CNTNAP2: variants seen among roughly 807,000 people sequenced by gnomAD.
CNTNAP2 encodes contactin associated protein 2, also known as contactin-associated protein-like 2.
Under a neutral mutation model 155.2 loss-of-function variants are expected in CNTNAP2, and 98 were observed. The ratio of observed to expected loss-of-function variants is 0.63; its 90% confidence interval spans 0.54 to 0.75. The LOEUF (loss-of-function observed/expected upper bound fraction) is 0.75. Among genes scored for constraint, CNTNAP2 ranks in the 30% least tolerant of loss-of-function variants. The pLI, the probability that CNTNAP2 is intolerant of heterozygous loss-of-function variation, is 0.00. For synonymous variants in CNTNAP2, 651 were observed against 631.2 expected (o/e 1.03, Z -0.47); for missense variants, 1,727 against 1,688.1 (o/e 1.02, Z -0.40).
At chr7:146,494,992 A>G (rs1483862087) in intron 1 of CNTNAP2, among the ~76,000 whole-genome samples, 1 of 152,214 alleles carries the variant, frequency 6.6e-6, no homozygotes, top group Non-Finnish European at 1.5e-5. Flanking sequence ...CAACTACCAG[A>G]GGATAAAATC....
At chr7:147,817,072 C>T (rs1034901738) in intron 13 of CNTNAP2, among the ~76,000 whole-genome samples, 3 of 152,038 alleles carry the variant, frequency 2.0e-5, no homozygotes, top group Non-Finnish European at 4.4e-5. Context: ...TTAAATGACA[C>T]CACAATGAAA....
intron 4 of CNTNAP2, among the ~76,000 whole-genome samples, chr7:147,106,506 GTTGA>G (rs1314792501): frequency 2.6e-5 from 4 of 151,990 alleles, no homozygotes; most frequent in East Asian, 3.9e-4. Context: ...ACAGAATTCT[GTTGA>G]TTAAGAAAGT....
chr7:147,974,093 T>A (rs996414578), intron 14 of CNTNAP2, among the ~76,000 whole-genome samples: 20 of 152,318 alleles, frequency 1.3e-4, no homozygotes, highest in African/African-American at 4.6e-4. Context: ...GTTCAAAACC[T>A]ACTAAAAGTC....
At chr7:147,436,237 C>A (rs1390842685) in intron 10 of CNTNAP2, among the ~76,000 whole-genome samples, 3 of 152,104 alleles carry the variant, frequency 2.0e-5, no homozygotes, top group African/African-American at 7.2e-5. Flanking sequence ...AGGTTAGATA[C>A]CCTTATTAAC....
chr7:147,874,785 T>C (rs555778913), intron 13 of CNTNAP2, among the ~76,000 whole-genome samples: 7 of 152,348 alleles, frequency 4.6e-5, no homozygotes, highest in Admixed American at 3.9e-4. Flanking sequence ...CAAACTTCTA[T>C]GCTCTGCTTC....
chr7:147,724,860 GA>G (rs980627343), intron 13 of CNTNAP2, among the ~76,000 whole-genome samples: 2 of 151,884 alleles, frequency 1.3e-5, no homozygotes, highest in African/African-American at 2.4e-5. Flanking sequence ...GTGAGTTGTT[GA>G]AAAGGTTAAA....
chr7:147,738,950 C>T (rs993370245), intron 13 of CNTNAP2, among the ~76,000 whole-genome samples: 10 of 152,074 alleles, frequency 6.6e-5, no homozygotes, highest in African/African-American at 2.2e-4. Flanking sequence ...CCACTGCGCC[C>T]GGGCAAAACA....
chr7:146,633,948 C>T (rs1436091279), intron 1 of CNTNAP2, among the ~76,000 whole-genome samples: 3 of 151,540 alleles, frequency 2.0e-5, no homozygotes, highest in Admixed American at 1.3e-4. Context: ...TCTCCCTTTG[C>T]TGCCATCTGG....
At chr7:147,653,519 C>G (rs1034528724) in intron 13 of CNTNAP2, among the ~76,000 whole-genome samples, 5 of 152,268 alleles carry the variant, frequency 3.3e-5, no homozygotes, top group African/African-American at 1.2e-4. Context: ...GACTTGCTTC[C>G]TGTCAAAAAC....
At chr7:146,598,277 A>G (rs533908051) in intron 1 of CNTNAP2, among the ~76,000 whole-genome samples, 1 of 152,100 alleles carries the variant, frequency 6.6e-6, no homozygotes, top group Middle Eastern at 3.4e-3. Flanking sequence ...CTACTCTATC[A>G]CTTCCATCGT....
At chr7:147,739,012 T>G (rs1796908176) in intron 13 of CNTNAP2, among the ~76,000 whole-genome samples, 1 of 152,160 alleles carries the variant, frequency 6.6e-6, no homozygotes, top group Non-Finnish European at 1.5e-5. Flanking sequence ...TGTTTTGTAG[T>G]ATTCACTTTA....
chr7:146,435,633 C>A, intron 1 of CNTNAP2, among the ~76,000 whole-genome samples: 1 of 152,248 alleles, frequency 6.6e-6, no homozygotes, highest in Non-Finnish European at 1.5e-5. Context: ...GAGTATAAAT[C>A]AGGCAGTATA....
chr7:147,622,933 A>G (rs946865595), intron 12 of CNTNAP2, among the ~76,000 whole-genome samples: 6 of 152,132 alleles, frequency 3.9e-5, no homozygotes, highest in Non-Finnish European at 8.8e-5. Context: ...AAAAGGAGAC[A>G]TTACAACTGA....
intron 1 of CNTNAP2, among the ~76,000 whole-genome samples, chr7:146,234,523 A>G (rs1044322609): frequency 1.3e-5 from 2 of 151,428 alleles, no homozygotes; most frequent in East Asian, 2.0e-4. Context: ...TGTTTTAGAC[A>G]TGAAGTCCTT....
In CNTNAP2 at chr7:148,180,592, C is replaced by G. The variant is rs567346906; in HGVS notation, c.3010+8114C>G. On this transcript the variant is annotated intron_variant, in intron 18 of 23. Transcript: ENST00000361727. The stretch of plus-strand genomic sequence containing the variant: ...AATAGGGACTTACCAACAGAAGTTG[C>G]GTCTCTGGTATCTACAAGATGAGAT... 2.0e-5 allele frequency among the ~76,000 whole-genome samples: 3 copies of G among 152,128 alleles called. No homozygotes were observed. In the South Asian group the frequency reaches 6.2e-4, roughly 32 times the overall value.
intron 12 of CNTNAP2, among the ~76,000 whole-genome samples, chr7:147,592,977 G>T (rs1800767609): frequency 6.6e-6 from 1 of 152,154 alleles, no homozygotes; most frequent in Non-Finnish European, 1.5e-5. Context: ...GCGAGGCAAA[G>T]ACTTGAAAAA....
intron 13 of CNTNAP2, among the ~76,000 whole-genome samples, chr7:147,813,381 G>C (rs1190061617): frequency 6.6e-6 from 1 of 152,196 alleles, no homozygotes; most frequent in African/African-American, 2.4e-5. Context: ...AGATGAAAAA[G>C]ATAGTCATAT....
intron 8 of CNTNAP2, among the ~76,000 whole-genome samples, chr7:147,137,829 A>G (rs374920662): frequency 1.3e-5 from 2 of 151,844 alleles, no homozygotes; most frequent in South Asian, 2.1e-4. Flanking sequence ...TGGGTAAATA[A>G]TTGGATAGAT....
At chr7:146,758,748 T>C (rs1802035052) in intron 1 of CNTNAP2, among the ~76,000 whole-genome samples, 1 of 152,092 alleles carries the variant, frequency 6.6e-6, no homozygotes, top group Admixed American at 6.5e-5. Context: ...CAAGTGGAAA[T>C]TGTGAGAGTT....
Sources: allele counts gnomAD v4.1 joint callset (sites outside exome capture counted in the v4.1 genomes callset), GRCh38; gene constraint gnomAD v4.1.1; transcripts MANE v1.5; gene names NCBI Gene and HGNC (gene_info 2026-07-23, HGNC 2026-07-21).